Variants in RBM33 observed in about 807,000 individuals in gnomAD.
RBM33 encodes the protein RNA-binding protein 33.
A neutral mutation model predicts 132.6 loss-of-function variants in RBM33; 28 were observed. The observed-to-expected ratio is 0.21, with a 90% CI of 0.16 to 0.29. The LOEUF is 0.29. Among genes scored for constraint, RBM33 ranks in the 10% least tolerant of loss-of-function variants. The pLI, the probability that RBM33 is intolerant of heterozygous loss-of-function variation, is 1.00. For missense variants in RBM33, 1,291 were observed against 1,518.5 expected, an observed-to-expected ratio of 0.85 and a Z score of 2.49; for synonymous variants, 634 against 593.0, an observed-to-expected ratio of 1.07 and a Z score of -1.01.
rs1055153410 is a variant in RBM33, at chr7:155,741,820, A to G, written c.2051A>G (p.Asn684Ser). 5 of 1,605,522 alleles carry G rather than the reference A, an allele frequency of 3.1e-6. No homozygotes were observed. Among genetic ancestry groups the G allele is most frequent in the Non-Finnish European group, 4.3e-6 (5 of 1,173,232 alleles). The change falls in exon 13 of 18, where the codon AAT becomes AGT. Residue 684 changes from asparagine (N) to serine (S), a missense_variant and splice_region_variant. Around this residue, in one of 7 missense-constraint regions of RBM33, gnomAD observed 841 missense variants for 912.0 expected, o/e 0.92. Transcript: ENST00000401878. ...GAATCTCTTTCTTTTTGTGAAAAGA[A>G]TACAACTTCTCAGAATGTAAGCAAG... Reference protein sequence around the residue: ...QCPQRQGLRHNTTSQNVSKRP... With the variant: ...QCPQRQGLRHSTTSQNVSKRP...
chr7:155,776,847 A>G lies in RBM33; in HGVS notation c.*1806A>G, dbSNP rs1330998683. On this transcript the variant is annotated 3_prime_UTR_variant, in exon 18 of 18. Transcript: ENST00000401878. This position sits in a 1 kb window ranked among gnomAD's most constrained non-coding sequence, Gnocchi z 4.0. ...TGGCTGTCACTGCCCACTCATTTCC[A>G]CAGTTAGATACGGATGTGTTGATGT... is the stretch of plus-strand genomic sequence containing the variant. 3 of 152,176 alleles carry G rather than the reference A, an allele frequency of 2.0e-5. No individual in the cohort carries two copies. Among genetic ancestry groups the G allele is most frequent in the Non-Finnish European group, 4.4e-5 (3 of 68,062 alleles). The allele number at this position is 152,176 out of a possible 1,614,324, so 9.4% of individuals were successfully genotyped here.
At chr7:155,708,018 A>C (rs1301198761) in intron 7 of RBM33, among the ~76,000 whole-genome samples, 1 of 152,258 alleles carries the variant, frequency 6.6e-6, no homozygotes, top group African/African-American at 2.4e-5. Context: ...TCAGTCTTCA[A>C]GGAAAAATTT....
intron 14 of RBM33, among the ~76,000 whole-genome samples, chr7:155,746,139 A>G (rs193217121): frequency 6.6e-6 from 1 of 152,338 alleles, no homozygotes; most frequent in Non-Finnish European, 1.5e-5. Flanking sequence ...CCTAAATTAG[A>G]TATCACTCAG....
At chr7:155,738,566 A>C in intron 11 of RBM33, 163 bp downstream of exon 11, 2 of 694,554 alleles carry the variant, frequency 2.9e-6, no homozygotes, top group South Asian at 4.2e-5. Flanking sequence ...TTTTTTCAAC[A>C]ATGTTACTTA....
intron 16 of RBM33, among the ~76,000 whole-genome samples, chr7:155,768,276 A>G (rs2117076393): frequency 6.6e-6 from 1 of 152,356 alleles, no homozygotes; most frequent in South Asian, 2.1e-4. Context: ...CAGAGCCTAC[A>G]TTGTGAGAAT....
chr7:155,665,039 G>T (rs1280636270), intron 1 of RBM33, 136 bp from the exon 2 acceptor site: 4 of 611,992 alleles, frequency 6.5e-6, no homozygotes, highest in African/African-American at 1.9e-5. Context: ...AAAGTAAAAT[G>T]ATAGTTACAT....
At chr7:155,661,248 C>T (rs904708886) in intron 1 of RBM33, among the ~76,000 whole-genome samples, 2 of 150,070 alleles carry the variant, frequency 1.3e-5, no homozygotes, top group Non-Finnish European at 1.5e-5. Flanking sequence ...AAGCCATTCT[C>T]CTGCCTCAAC....
chr7:155,750,194 A>G (rs1354622257), intron 14 of RBM33, among the ~76,000 whole-genome samples: 3 of 152,266 alleles, frequency 2.0e-5, no homozygotes, highest in Admixed American at 2.0e-4. Flanking sequence ...TACTTAGAAT[A>G]TAGAAATATT....
At chr7:155,663,612 A>G (rs1002309782) in intron 1 of RBM33, among the ~76,000 whole-genome samples, 1 of 152,182 alleles carries the variant, frequency 6.6e-6, no homozygotes, top group Admixed American at 6.5e-5. Context: ...ACTGGGTATT[A>G]CAATTCAACA....
chr7:155,684,010 A>G (rs1032808062), intron 5 of RBM33, among the ~76,000 whole-genome samples: 39 of 152,296 alleles, frequency 2.6e-4, no homozygotes, highest in African/African-American at 8.7e-4. Context: ...ATTCATGGGT[A>G]GTGATAATTG....
intron 5 of RBM33, among the ~76,000 whole-genome samples, chr7:155,692,143 A>G (rs1265913290): frequency 6.6e-6 from 1 of 151,776 alleles, no homozygotes; most frequent in Non-Finnish European, 1.5e-5. Context: ...ATAATGTGGG[A>G]CAGTAATTCA....
At chr7:155,672,703 C>T (rs566671029) in intron 2 of RBM33, among the ~76,000 whole-genome samples, 164 bp from the exon 3 acceptor site, 1 of 146,708 alleles carries the variant, frequency 6.8e-6, no homozygotes, top group South Asian at 2.1e-4. Flanking sequence ...TGAGATTGCA[C>T]CATTGTACTC....
chr7:155,770,405 A>G (rs986449708), intron 16 of RBM33, among the ~76,000 whole-genome samples: 2 of 152,180 alleles, frequency 1.3e-5, no homozygotes, highest in African/African-American at 4.8e-5. Flanking sequence ...ACCGTTCCAT[A>G]CAGAAATGCT....
chr7:155,673,469 TAC>T (rs1436278133), intron 3 of RBM33, among the ~76,000 whole-genome samples: 1 of 149,088 alleles, frequency 6.7e-6, no homozygotes, highest in Non-Finnish European at 1.5e-5. Flanking sequence ...CATATATATA[TAC>T]ATACACGTGT....
chr7:155,774,493 T>C lies in RBM33; in HGVS notation c.3376-66T>C, dbSNP rs1326094952. Reference sequence around the variant, plus strand: ...TGTGTTAAAACTAATAATGCTTAAATATATATATTCATATTTTTTATTGTC... The same window carrying C: ...TGTGTTAAAACTAATAATGCTTAAACATATATATTCATATTTTTTATTGTC... On this transcript the variant is annotated intron_variant, in intron 16 of 17. Coordinates refer to ENST00000401878, the MANE Select transcript of RBM33 (RefSeq NM_053043.3). This position sits in a 1 kb window ranked among gnomAD's most constrained non-coding sequence, Gnocchi z 4.2. 1.7e-6 allele frequency: 2 copies of C among 1,154,482 alleles called. No individual in the cohort carries two copies. Among genetic ancestry groups the C allele is most frequent in the African/African-American group, 3.1e-5 (2 of 64,524 alleles). The allele number at this position is 1,154,482 out of a possible 1,614,324, so 71.5% of individuals were successfully genotyped here. A position where few individuals can be genotyped will look rare whatever the true frequency, so the allele number is the denominator to read the frequency against.
chr7:155,651,678 C>T (rs1798360184), intron 1 of RBM33, among the ~76,000 whole-genome samples: 1 of 151,302 alleles, frequency 6.6e-6, no homozygotes, highest in Non-Finnish European at 1.5e-5. Flanking sequence ...ATCCAGTAGG[C>T]TGAGCTCAGC....
chr7:155,684,809 C>CAGCT, intron 5 of RBM33: 1 of 1,057,798 alleles, frequency 9.5e-7, no homozygotes, highest in Non-Finnish European at 1.3e-6. Context: ...TGTGCTCAGT[C>CAGCT]AGCTAATCAC....
chr7:155,691,685 C>G (rs559982593), intron 5 of RBM33, among the ~76,000 whole-genome samples: 1 of 152,242 alleles, frequency 6.6e-6, no homozygotes. Context: ...GAAGTGCCTT[C>G]TAGTTCTAGA....
Position 155,680,889 on chromosome 7 carries a change from A to G in RBM33, c.548A>G (p.Glu183Gly), listed in dbSNP as rs1266477230. The change falls in exon 5 of 18, where the codon GAA becomes GGA. Residue 183 changes from glutamate to glycine, a missense_variant. Physicochemically the swap from Glu to Gly is moderately conservative, Grantham distance 98. Coordinates refer to ENST00000401878, the MANE Select transcript of RBM33 (RefSeq NM_053043.3). Reference sequence around the variant, plus strand: ...GAAGTGTTAGACATCGAGATCAATGAACCTTTAGATGAATTTACAGTGAGT... The same window carrying G: ...GAAGTGTTAGACATCGAGATCAATGGACCTTTAGATGAATTTACAGTGAGT... The part of the protein sequence containing the change: ...TDEVLDIEIN[E>G]PLDEFTGGME... The G allele has an allele frequency of 1.9e-6, 3 of 1,613,526 alleles. No homozygotes were observed. Among genetic ancestry groups the G allele is most frequent in the Admixed American group, 1.7e-5 (1 of 59,988 alleles).
Sources: gnomAD v4.1 joint callset for allele counts (sites outside exome capture counted in the v4.1 genomes callset) on GRCh38, gnomAD v4.1.1 for gene constraint, gnomAD v4.1.1 regional missense constraint, Gnocchi (gnomAD v3.1) non-coding constraint, MANE v1.5 for transcripts, NCBI Gene and HGNC (gene_info 2026-07-23, HGNC 2026-07-21) for gene names.